Variants in MYO9B observed in about 807,000 individuals in gnomAD.
MYO9B encodes unconventional myosin-IXb.
A neutral mutation model predicts 229.5 loss-of-function variants in MYO9B; 71 were observed. The observed-to-expected ratio is 0.31, with a 90% CI of 0.26 to 0.38. The LOEUF (loss-of-function observed/expected upper bound fraction) is 0.38, where lower values mean the gene tolerates loss of function less well. Among genes scored for constraint, MYO9B ranks in the 10% least tolerant of loss-of-function variants. MYO9B has a pLI of 1.00. For missense variants in MYO9B, 2,255 were observed against 2,920.5 expected, an observed-to-expected ratio of 0.77 and a Z score of 5.25; for synonymous variants, 1,185 against 1,235.8, an observed-to-expected ratio of 0.96 and a Z score of 0.86.
chr19:17,121,373 T>A (rs2057962550), intron 2 of MYO9B, among the ~76,000 whole-genome samples: 1 of 151,876 alleles, frequency 6.6e-6, no homozygotes, highest in Admixed American at 6.6e-5. Flanking sequence ...ACTGAAATCT[T>A]GGTGATTCAG....
In MYO9B at chr19:17,091,122, G is replaced by C. The variant is rs376254072; in HGVS notation, c.-58-10538G>C. Among the ~76,000 whole-genome samples, 467 of 152,360 alleles carry C rather than the reference G, an allele frequency of 3.1e-3. 2 individuals carry two copies. Among genetic ancestry groups the C allele is most frequent in the Non-Finnish European group, 5.2e-3 (353 of 68,034 alleles). Reference sequence around the variant, plus strand: ...GACCACATGTATAAAATAACGCCATGTGTAGTATTTAACAAAGGAGGCTCC... The same window carrying C: ...GACCACATGTATAAAATAACGCCATCTGTAGTATTTAACAAAGGAGGCTCC... On this transcript the variant is annotated intron_variant, in intron 1 of 39. Transcript: ENST00000682292.
At chr19:17,139,240 T>G (rs1189350261) in intron 2 of MYO9B, among the ~76,000 whole-genome samples, 1 of 152,108 alleles carries the variant, frequency 6.6e-6, no homozygotes, top group African/African-American at 2.4e-5. Flanking sequence ...TACAGCATGT[T>G]ACTGTACTGA....
At chr19:17,200,103 C>T (rs1042211519) in intron 24 of MYO9B, among the ~76,000 whole-genome samples, 190 bp from the exon 25 acceptor site, 1 of 152,096 alleles carries the variant, frequency 6.6e-6, no homozygotes, top group Non-Finnish European at 1.5e-5. Flanking sequence ...AAACTCCTGA[C>T]CTCAGATGAT....
Position 17,185,834 on chromosome 19 carries a change from T to TTA in MYO9B, c.2497-87_2497-86insTA. ...GCAGACCCCATCCACCCCACACTGA[T>TTA]GCTAGAGTGTCCCAGGTCTGCTCCC... is the stretch of plus-strand genomic sequence containing the variant. On this transcript the variant is annotated intron_variant, in intron 17 of 39. Transcript: ENST00000682292. 3 of 1,057,806 alleles carry TTA rather than the reference T, an allele frequency of 2.8e-6. No homozygotes were observed. In the Admixed American group the frequency reaches 5.4e-5, roughly 19 times the overall value. The allele number at this position is 1,057,806 out of a possible 1,614,324, so 65.5% of individuals were successfully genotyped here. A position where few individuals can be genotyped will look rare whatever the true frequency, so the allele number is the denominator to read the frequency against.
At position 17,172,845 on chromosome 19, in the gene MYO9B, C is replaced by T. The variant is rs377348829; in HGVS notation, c.2022C>T (p.Leu674=). ...GTGACAGCTCCTACGTGCGGGAGCT[C>T]ATCGGCATGGACCCCGTGGCCGTGT... ...RGSDSSYVRE[L]IGMDPVAVFR... Residue 674 remains leucine, a synonymous_variant, in exon 13 of 40, where the codon CTC becomes CTT. Transcript: ENST00000682292. The surrounding 1 kb of genome is among the most constrained non-coding windows in gnomAD (Gnocchi z 8.2). 8.7e-6 allele frequency: 14 copies of T among 1,611,044 alleles called. No individual in the cohort carries two copies. The highest frequency in any genetic ancestry group is 1.2e-5 in the Non-Finnish European group (14 of 1,179,832).
Position 17,193,666 on chromosome 19 carries a change from A to G in MYO9B, c.3128+604A>G, listed in dbSNP as rs916098653. 2.6e-5 allele frequency among the ~76,000 whole-genome samples: 4 copies of G among 152,074 alleles called. No homozygotes were observed. Among genetic ancestry groups the G allele is most frequent in the Admixed American group, 2.6e-4 (4 of 15,254 alleles). ...GCCTAGATGGGAAGATCGCTTGAGC[A>G]CAGGAGTTCAAGACCAGCCTGGCCA... On this transcript the variant is annotated intron_variant, in intron 21 of 39. Coordinates refer to ENST00000682292, the MANE Select transcript of MYO9B (RefSeq NM_004145.4). The surrounding 1 kb of genome is among the most constrained non-coding windows in gnomAD (Gnocchi z 4.3).
intron 33 of MYO9B, 39 bp from the exon 34 acceptor site, chr19:17,206,640 C>G: frequency 1.3e-6 from 2 of 1,520,470 alleles, no homozygotes; most frequent in Non-Finnish European, 1.8e-6. Context: ...ACCTTGGGGA[C>G]CCTTGGGAGC....
chr19:17,172,945 A>G lies in MYO9B; in HGVS notation c.2122A>G (p.Arg708Gly). 6.3e-7 allele frequency: 1 copy of G among 1,598,130 alleles called. No homozygotes were observed. The highest frequency in any genetic ancestry group is 1.3e-5 in the African/African-American group (1 of 75,036). Residue 708 changes from arginine to glycine, a missense_variant, in exon 13 of 40, where the codon AGG (arginine) becomes GGG (glycine). Arg to Gly is a moderately radical substitution (Grantham distance 125). Transcript: ENST00000682292. The surrounding 1 kb of genome is among the most constrained non-coding windows in gnomAD (Gnocchi z 8.2). ...GGAGGCCGGACGCCTGCGGGCCGAGAGGGCCGAAAAGGCTGCAGGTGGGAG... is the reference window on the plus strand; with the variant it reads ...GGAGGCCGGACGCCTGCGGGCCGAGGGGGCCGAAAAGGCTGCAGGTGGGAG... The part of the protein sequence containing the change: ...LREAGRLRAE[R>G]AEKAAGMSSP...
chr19:17,172,525 G>A lies in MYO9B; in HGVS notation c.1935+48G>A, dbSNP rs1157843164. The A allele has an allele frequency of 6.2e-7, 1 of 1,604,606 alleles. No individual in the cohort carries two copies. The highest frequency in any genetic ancestry group is 8.5e-7 in the Non-Finnish European group (1 of 1,175,666). ...TGGTGGAAGCCTGAGGGAAGCCACA[G>A]TCAGCCCAGAAGCCCATGTGGGAGG... On this transcript the variant is annotated intron_variant, in intron 12 of 39. Transcript: ENST00000682292. This position sits in a 1 kb window ranked among gnomAD's most constrained non-coding sequence, Gnocchi z 8.2.
intron 11 of MYO9B, among the ~76,000 whole-genome samples, chr19:17,171,752 G>C (rs753641304): frequency 3.4e-4 from 52 of 152,130 alleles, no homozygotes; most frequent in Admixed American, 9.8e-4. Context: ...AGGAGTTCAA[G>C]ACCAGCCTGG....
At chr19:17,115,669 A>G (rs567008581) in intron 2 of MYO9B, among the ~76,000 whole-genome samples, 21 of 151,766 alleles carry the variant, frequency 1.4e-4, no homozygotes, top group Non-Finnish European at 2.2e-4. Flanking sequence ...GGGATTCACC[A>G]TGTTGGCCTG....
intron 1 of MYO9B, among the ~76,000 whole-genome samples, chr19:17,090,776 G>T (rs1449780259): frequency 6.6e-6 from 1 of 152,134 alleles, no homozygotes; most frequent in African/African-American, 2.4e-5. Flanking sequence ...AAGGAAACAC[G>T]TTTTCAGGAC....
At chr19:17,159,735 G>A (rs143738352) in intron 8 of MYO9B, among the ~76,000 whole-genome samples, 93 of 152,348 alleles carry the variant, frequency 6.1e-4, no homozygotes, top group Middle Eastern at 6.8e-3. Context: ...GTGCATGCTG[G>A]TTCTCACTAG....
chr19:17,212,598 GT>G lies in MYO9B; in HGVS notation c.*291del, dbSNP rs397859613. ...CACTCCCCTTTTTGTACGTTTAACT[GT>G]TTCTTTGTACGTGGTTTACGTAACT... On this transcript the variant is annotated 3_prime_UTR_variant, in exon 40 of 40. Coordinates refer to ENST00000682292, the MANE Select transcript of MYO9B (RefSeq NM_004145.4). This position sits in a 1 kb window ranked among gnomAD's most constrained non-coding sequence, Gnocchi z 5.4. The G allele has an allele frequency of 2.4e-6, 1 of 418,588 alleles. No homozygotes were observed. The highest frequency in any genetic ancestry group is 4.1e-5 in the Admixed American group (1 of 24,466). The allele number at this position is 418,588 out of a possible 1,614,324, so 25.9% of individuals were successfully genotyped here.
In MYO9B at chr19:17,191,129, C is replaced by T. The variant is rs373411612; in HGVS notation, c.2721C>T (p.Pro907=). ...CCGAGCAGTTCCAGGTGCTCCTGCCCAAGGATGCCCAGCCCTGCAGGGAGG... is the reference window on the plus strand; with the variant it reads ...CCGAGCAGTTCCAGGTGCTCCTGCCTAAGGATGCCCAGCCCTGCAGGGAGG... ...DFTEQFQVLL[P]KDAQPCREVI... Residue 907 remains proline (P), a synonymous_variant, in exon 20 of 40, where the codon CCC becomes CCT. Transcript: ENST00000682292. 1.5e-4 allele frequency: 244 copies of T among 1,612,744 alleles called. 1 individual carries two copies. Among genetic ancestry groups the T allele is most frequent in the South Asian group, 1.3e-3 (117 of 90,854 alleles).
intron 3 of MYO9B, among the ~76,000 whole-genome samples, chr19:17,145,827 G>T (rs944498344): frequency 2.6e-5 from 4 of 152,196 alleles, no homozygotes; most frequent in Admixed American, 2.6e-4. Context: ...TCTGGCCTTT[G>T]CCAAACATGT....
chr19:17,163,613 T>C (rs1004877611), intron 10 of MYO9B, among the ~76,000 whole-genome samples: 4 of 152,084 alleles, frequency 2.6e-5, no homozygotes, highest in African/African-American at 9.7e-5. Context: ...GGCAATCTGC[T>C]CACCTTGGTC....
chr19:17,197,212 G>A (rs1030230628), intron 22 of MYO9B, among the ~76,000 whole-genome samples: 5 of 151,120 alleles, frequency 3.3e-5, no homozygotes, highest in African/African-American at 1.2e-4. Context: ...GGGAGGCAGA[G>A]GTTGCAGTGA....
intron 2 of MYO9B, among the ~76,000 whole-genome samples, chr19:17,114,942 T>TA (rs1157349188): frequency 6.8e-6 from 1 of 146,044 alleles, no homozygotes; most frequent in Non-Finnish European, 1.5e-5. Flanking sequence ...TTTTTTTTTT[T>TA]AATAAAACAC....
Sources: gnomAD v4.1 joint callset for allele counts (sites outside exome capture counted in the v4.1 genomes callset) on GRCh38, gnomAD v4.1.1 for gene constraint, Gnocchi (gnomAD v3.1) non-coding constraint, MANE v1.5 for transcripts, NCBI Gene and HGNC (gene_info 2026-07-23, HGNC 2026-07-21) for gene names.